Variants in MELK observed in about 807,000 individuals in gnomAD.
The protein encoded by MELK is pEg3 kinase.
MELK carries 81 observed loss-of-function variants against 85.0 expected under a neutral mutation model. The ratio of observed to expected loss-of-function variants is 0.95; its 90% CI spans 0.80 to 1.15. MELK has a LOEUF of 1.15. Among genes scored for constraint, MELK ranks in the 50% most tolerant of loss-of-function variants. The pLI, the probability that MELK is intolerant of heterozygous loss-of-function variation, is 0.00. For missense variants in MELK, 754 were observed against 777.5 expected, an observed-to-expected ratio of 0.97 and a Z score of 0.36; for synonymous variants, 252 against 265.0, an observed-to-expected ratio of 0.95 and a Z score of 0.48.
At chr9:36,598,104 T>C (rs1824483004) in intron 6 of MELK, among the ~76,000 whole-genome samples, 1 of 152,202 alleles carries the variant, frequency 6.6e-6, no homozygotes, top group African/African-American at 2.4e-5. Flanking sequence ...GTCTGATTCT[T>C]TCTGATTCTT....
chr9:36,602,056 T>C (rs1824981941), intron 7 of MELK, among the ~76,000 whole-genome samples: 2 of 152,234 alleles, frequency 1.3e-5, no homozygotes, highest in South Asian at 4.1e-4. Flanking sequence ...CTCTTTCAGA[T>C]CCTGCTTTCA....
intron 1 of MELK, among the ~76,000 whole-genome samples, chr9:36,575,735 A>T (rs908011795): frequency 1.3e-5 from 2 of 152,188 alleles, no homozygotes; most frequent in Admixed American, 6.6e-5. Context: ...CTATTAAGTT[A>T]ATTATGACAC....
chr9:36,666,906 T>TGA (rs1832426296), intron 14 of MELK, among the ~76,000 whole-genome samples: 5 of 124,804 alleles, frequency 4.0e-5, no homozygotes, highest in East Asian at 2.3e-4. Context: ...TGTGTGTGTG[T>TGA]GATGGTGTGT....
At chr9:36,609,573 C>G (rs1380777640) in intron 8 of MELK, among the ~76,000 whole-genome samples, 1 of 151,704 alleles carries the variant, frequency 6.6e-6, no homozygotes, top group Non-Finnish European at 1.5e-5. Flanking sequence ...TCAACCTCCC[C>G]ACTAGCTGGG....
At chr9:36,671,863 G>A (rs2138140127) in intron 16 of MELK, among the ~76,000 whole-genome samples, 1 of 152,296 alleles carries the variant, frequency 6.6e-6, no homozygotes, top group Non-Finnish European at 1.5e-5. Flanking sequence ...GAGGTAAAGG[G>A]ACGAATGAGA....
intron 11 of MELK, among the ~76,000 whole-genome samples, chr9:36,645,791 C>CT (rs930616333): frequency 1.3e-5 from 2 of 152,156 alleles, no homozygotes; most frequent in Non-Finnish European, 2.9e-5. Context: ...AGTCGAGAAG[C>CT]AGTGCTCTAG....
intron 11 of MELK, among the ~76,000 whole-genome samples, chr9:36,647,587 C>G (rs113729035): frequency 3.9e-5 from 6 of 151,964 alleles, no homozygotes; most frequent in African/African-American, 1.4e-4. Flanking sequence ...CTCCCGAGTT[C>G]AAGCAATTCT....
intron 16 of MELK, among the ~76,000 whole-genome samples, chr9:36,672,837 A>G (rs1833003810): frequency 6.6e-6 from 1 of 152,226 alleles, no homozygotes; most frequent in South Asian, 2.1e-4. Flanking sequence ...TTTACCACCC[A>G]TGTATAGACC....
At chr9:36,609,143 G>C (rs1825848682) in intron 8 of MELK, among the ~76,000 whole-genome samples, 1 of 152,128 alleles carries the variant, frequency 6.6e-6, no homozygotes, top group Non-Finnish European at 1.5e-5. Context: ...GAGAGTGACT[G>C]CCTGTGAGTA....
intron 10 of MELK, among the ~76,000 whole-genome samples, chr9:36,634,537 C>A (rs550323259): frequency 1.3e-5 from 2 of 150,572 alleles, no homozygotes; most frequent in South Asian, 4.2e-4. Context: ...ATGGTAAAAC[C>A]CCATCTTTAC....
chr9:36,618,833 G>A (rs969376991), intron 8 of MELK, among the ~76,000 whole-genome samples: 5 of 152,052 alleles, frequency 3.3e-5, no homozygotes, highest in South Asian at 2.1e-4. Flanking sequence ...ACTAGTGAGC[G>A]TACTAGTGCC....
chr9:36,576,592 C>A (rs947397825), intron 1 of MELK, among the ~76,000 whole-genome samples: 2 of 152,116 alleles, frequency 1.3e-5, no homozygotes, highest in Non-Finnish European at 1.5e-5. Context: ...AGTGCAGTGG[C>A]GTGATCGCGG....
In MELK at chr9:36,589,581, C is replaced by CT. The variant is rs1218064030; in HGVS notation, c.191dup (p.Arg65GlufsTer23). The CT allele has an allele frequency of 4.3e-6, 7 of 1,613,984 alleles. No individual in the cohort carries two copies. The African/African-American group carries it at 5.3e-5, about 12-fold the overall frequency. ...AACGGAGATTGAGGCCTTGAAGAAC[C>CT]TGAGACATCAGCATATATGTCAACT... On this transcript the variant is annotated frameshift_variant, in exon 4 of 18. Coordinates refer to ENST00000298048, the MANE Select transcript of MELK (RefSeq NM_014791.4). LOFTEE classifies it high-confidence loss of function.
intron 7 of MELK, among the ~76,000 whole-genome samples, chr9:36,604,506 G>C (rs1324969153): frequency 6.6e-6 from 1 of 151,728 alleles, no homozygotes; most frequent in African/African-American, 2.4e-5. Context: ...ACTCAACCCT[G>C]GTGGGATTGA....
intron 8 of MELK, among the ~76,000 whole-genome samples, chr9:36,614,443 T>TTTTTTTTTTTTTTATTG (rs1554722238): frequency 7.7e-6 from 1 of 129,894 alleles, no homozygotes; most frequent in African/African-American, 3.0e-5. Flanking sequence ...TTTTTTTTTT[T>TTTTTTTTTTTTTTATTG]AATTTATTTT....
At chr9:36,621,384 C>T (rs1350500155) in intron 8 of MELK, among the ~76,000 whole-genome samples, 1 of 143,062 alleles carries the variant, frequency 7.0e-6, no homozygotes, top group East Asian at 2.2e-4. Context: ...TCTGTTTCAG[C>T]TATGCTTAAC....
At chr9:36,621,311 A>AAC (rs1564173027) in intron 8 of MELK, among the ~76,000 whole-genome samples, 9 of 137,264 alleles carry the variant, frequency 6.6e-5, no homozygotes, top group African/African-American at 1.7e-4. Context: ...AAAAAAAAAA[A>AAC]AAAAAACTTG....
intron 8 of MELK, among the ~76,000 whole-genome samples, chr9:36,615,387 C>T (rs1201653165): frequency 7.5e-6 from 1 of 133,590 alleles, no homozygotes; most frequent in Non-Finnish European, 1.6e-5. Context: ...GCTGGCCGGG[C>T]GGGGGGCTGA....
intron 16 of MELK, among the ~76,000 whole-genome samples, chr9:36,671,972 AG>A (rs1832929667): frequency 6.6e-6 from 1 of 152,162 alleles, no homozygotes. Context: ...ACACATTCCA[AG>A]AGGTGTGGGC....
Sources: gnomAD v4.1 joint callset for allele counts (sites outside exome capture counted in the v4.1 genomes callset) on GRCh38, gnomAD v4.1.1 for gene constraint, MANE v1.5 for transcripts, NCBI Gene and HGNC (gene_info 2026-07-23, HGNC 2026-07-21) for gene names.